Variants in HSD17B11 observed in about 807,000 individuals in gnomAD.
HSD17B11 encodes the protein estradiol 17-beta-dehydrogenase 11.
A neutral mutation model predicts 27.8 loss-of-function variants in HSD17B11; 22 were observed. That is an observed-to-expected ratio of 0.79 (90% CI 0.56 to 1.13). The LOEUF (loss-of-function observed/expected upper bound fraction) is 1.13. Among genes scored for constraint, HSD17B11 ranks in the 50% most tolerant of loss-of-function variants. The probability of loss-of-function intolerance (pLI) is 0.00; values close to 1 mark genes in which losing one functional copy is unlikely to be tolerated. For synonymous variants in HSD17B11, 117 were observed against 132.8 expected, an observed-to-expected ratio of 0.88 and a Z score of 0.82; for missense variants, 314 against 351.1, an observed-to-expected ratio of 0.89 and a Z score of 0.84.
chr4:87,372,681 C>G (rs765907071), intron 4 of HSD17B11, 28 bp downstream of exon 4: 1 of 1,344,802 alleles, frequency 7.4e-7, no homozygotes, highest in Non-Finnish European at 1.1e-6. Context: ...GGCATAAGAA[C>G]CAATGAAGGA....
chr4:87,343,149 C>T (rs1391451145), intron 5 of HSD17B11, among the ~76,000 whole-genome samples: 2 of 152,150 alleles, frequency 1.3e-5, no homozygotes, highest in Non-Finnish European at 2.9e-5. Context: ...ATTTCTTTAC[C>T]TAAGGTTTTT....
intron 4 of HSD17B11, 37 bp downstream of exon 4, chr4:87,372,672 G>T: frequency 1.7e-6 from 2 of 1,209,782 alleles, no homozygotes; most frequent in African/African-American, 1.5e-5. Context: ...CACAAGGTAG[G>T]CATAAGAACC....
intron 4 of HSD17B11, among the ~76,000 whole-genome samples, chr4:87,358,226 G>GAGGCCCAAAGGCCT (rs1165462163): frequency 7.9e-5 from 12 of 152,070 alleles, no homozygotes; most frequent in Non-Finnish European, 8.8e-5. Flanking sequence ...CTCCCAAAGT[G>GAGGCCCAAAGGCCT]CTGGCATTAC....
At chr4:87,358,086 G>A (rs577976967) in intron 4 of HSD17B11, among the ~76,000 whole-genome samples, 325 of 146,686 alleles carry the variant, frequency 2.2e-3, no homozygotes, top group African/African-American at 7.8e-3. Flanking sequence ...CTCAGCCTCC[G>A]CAGTAGCTGG....
intron 2 of HSD17B11, among the ~76,000 whole-genome samples, chr4:87,380,894 A>AAAAAAAG (rs1409164973): frequency 8.0e-6 from 1 of 125,492 alleles, no homozygotes; most frequent in African/African-American, 3.1e-5. Context: ...AAAAAAAAGA[A>AAAAAAAG]CTCAGGCCAG....
intron 2 of HSD17B11, among the ~76,000 whole-genome samples, chr4:87,380,715 A>G (rs142115472): frequency 0.039 from 5,950 of 151,006 alleles, 419 homozygotes; most frequent in African/African-American, 0.14. Context: ...AAAATTAGCC[A>G]AGCGTGGTGA....
At chr4:87,366,851 TA>T (rs1189916461) in intron 4 of HSD17B11, among the ~76,000 whole-genome samples, 3 of 152,170 alleles carry the variant, frequency 2.0e-5, no homozygotes, top group African/African-American at 7.2e-5. Flanking sequence ...GAAACTCTCA[TA>T]AAAAGCTGGA....
At chr4:87,373,530 C>CA (rs2110125646) in intron 3 of HSD17B11, among the ~76,000 whole-genome samples, 1 of 151,852 alleles carries the variant, frequency 6.6e-6, no homozygotes, top group African/African-American at 2.4e-5. Context: ...TGCAACATGG[C>CA]AAAACCTCAT....
At position 87,337,158 on chromosome 4, in the gene HSD17B11, A is replaced by T. The variant is rs1210712527; in HGVS notation, c.*118T>A. 4.2e-6 allele frequency: 3 copies of T among 721,108 alleles called. No individual in the cohort carries two copies. Among genetic ancestry groups the T allele is most frequent in the Non-Finnish European group, 7.4e-6 (3 of 404,920 alleles). 44.7% of individuals were successfully genotyped at this position (721,108 alleles called of 1,614,324 possible). Reference sequence around the variant, plus strand: ...AAATGAAGACTGCCAAAGCCTCAAAAATGATATTGAAGAAATGGGGATAAT... The same window carrying T: ...AAATGAAGACTGCCAAAGCCTCAAATATGATATTGAAGAAATGGGGATAAT... On this transcript the variant is annotated 3_prime_UTR_variant, in exon 7 of 7. Coordinates refer to ENST00000358290, the MANE Select transcript of HSD17B11 (RefSeq NM_016245.5).
intron 4 of HSD17B11, among the ~76,000 whole-genome samples, chr4:87,359,698 TA>T (rs1450998453): frequency 1.3e-5 from 2 of 152,128 alleles, no homozygotes. Flanking sequence ...ATCTTCATAA[TA>T]CCCCTATAAA....
chr4:87,391,049 G>T lies in HSD17B11; in HGVS notation c.22C>A (p.Leu8Ile). The change falls in exon 1 of 7, where the codon CTC (leucine) becomes ATC (isoleucine). Residue 8 changes from leucine to isoleucine, a missense_variant. Transcript: ENST00000358290. MKFLLDI[L>I]LLLPLLIVCS... ...ACGATCAGTAACGGGAGAAGCAGGA[G>T]GATGTCCAGAAGAAATTTCATCCCT... 1 of 1,613,580 alleles carries T rather than the reference G, an allele frequency of 6.2e-7. No individual in the cohort carries two copies. The highest frequency in any genetic ancestry group is 2.2e-5 in the East Asian group (1 of 44,878).
intron 5 of HSD17B11, among the ~76,000 whole-genome samples, chr4:87,342,598 A>C (rs1359748497): frequency 6.6e-6 from 1 of 152,108 alleles, no homozygotes; most frequent in East Asian, 1.9e-4. Context: ...AATAAAGAAT[A>C]ATTCATTCAG....
chr4:87,391,184 G>T lies in HSD17B11; in HGVS notation c.-114C>A. 1 of 709,444 alleles carries T rather than the reference G, an allele frequency of 1.4e-6. No homozygotes were observed. The highest frequency in any genetic ancestry group is 2.3e-6 in the Non-Finnish European group (1 of 440,218). 43.9% of individuals were successfully genotyped at this position (709,444 alleles called of 1,614,324 possible). The stretch of plus-strand genomic sequence containing the variant: ...AAAGAGTAGGGGCGAGAGCAAGGAG[G>T]AACTCCCGTATCAAAGAAAAACAAC... On this transcript the variant is annotated 5_prime_UTR_variant, in exon 1 of 7. Transcript: ENST00000358290.
At chr4:87,389,514 G>A (rs967718578) in intron 1 of HSD17B11, among the ~76,000 whole-genome samples, 11 of 152,230 alleles carry the variant, frequency 7.2e-5, no homozygotes, top group South Asian at 2.1e-4. Flanking sequence ...GTGAGCCACC[G>A]CATCCAGCCT....
At chr4:87,367,902 T>G (rs533578808) in intron 4 of HSD17B11, among the ~76,000 whole-genome samples, 24 of 152,230 alleles carry the variant, frequency 1.6e-4, no homozygotes, top group Non-Finnish European at 2.2e-4. Flanking sequence ...CTTTACTTAC[T>G]TTGCTTTACT....
chr4:87,340,450 T>C, intron 6 of HSD17B11, 40 bp downstream of exon 6: 1 of 1,304,020 alleles, frequency 7.7e-7, no homozygotes, highest in Non-Finnish European at 1.1e-6. Context: ...ATAATTGTTA[T>C]TTTACCTTTC....
At chr4:87,380,909 G>A (rs1280226264) in intron 2 of HSD17B11, among the ~76,000 whole-genome samples, 1 of 146,324 alleles carries the variant, frequency 6.8e-6, no homozygotes, top group Non-Finnish European at 1.5e-5. Context: ...GGCCAGGTGT[G>A]GTGGCTCACG....
chr4:87,374,100 G>C (rs62319098), intron 3 of HSD17B11, among the ~76,000 whole-genome samples: 1 of 151,844 alleles, frequency 6.6e-6, no homozygotes, highest in Admixed American at 6.6e-5. Flanking sequence ...TGAGGCAGGC[G>C]GATCACTTGA....
intron 3 of HSD17B11, among the ~76,000 whole-genome samples, chr4:87,373,931 C>T (rs1735770332): frequency 6.6e-6 from 1 of 152,174 alleles, no homozygotes; most frequent in East Asian, 1.9e-4. Context: ...CAGAAACACA[C>T]ACGGCATATG....
Sources: gnomAD v4.1 joint callset for allele counts (sites outside exome capture counted in the v4.1 genomes callset) on GRCh38, gnomAD v4.1.1 for gene constraint, MANE v1.5 for transcripts, NCBI Gene and HGNC (gene_info 2026-07-23, HGNC 2026-07-21) for gene names.